VSTM2L: variants seen among roughly 807,000 people sequenced by gnomAD.
VSTM2L encodes the protein V-set and transmembrane domain-containing protein 2-like protein.
VSTM2L carries 9 observed loss-of-function variants against 19.9 expected under a neutral mutation model. The observed-to-expected ratio is 0.45, with a 90% CI of 0.27 to 0.79. The LOEUF (loss-of-function observed/expected upper bound fraction) is 0.79. Among genes scored for constraint, VSTM2L ranks in the 30% least tolerant of loss-of-function variants. The pLI, the probability that VSTM2L is intolerant of heterozygous loss-of-function variation, is 0.15. For synonymous variants in VSTM2L, 127 were observed against 133.8 expected, an observed-to-expected ratio of 0.95 and a Z score of 0.35; for missense variants, 286 against 295.5, an observed-to-expected ratio of 0.97 and a Z score of 0.24.
In VSTM2L at chr20:37,903,233, G is replaced by C; in HGVS notation, c.-118G>C. ...GGCCGGGTCCGGGGACAGCGGGCGA[G>C]GGGCAGCTGCCGGAGCCGGGCAGCC... On this transcript the variant is annotated 5_prime_UTR_variant, in exon 1 of 4. Coordinates refer to ENST00000373461, the MANE Select transcript of VSTM2L (RefSeq NM_080607.3). The C allele has an allele frequency of 8.3e-7, 1 of 1,199,960 alleles. No homozygotes were observed. The highest frequency in any genetic ancestry group is 1.0e-6 in the Non-Finnish European group (1 of 958,120). 74.3% of individuals were successfully genotyped at this position (1,199,960 alleles called of 1,614,324 possible).
At chr20:37,941,708 C>T (rs1485942213) in intron 3 of VSTM2L, among the ~76,000 whole-genome samples, 1 of 152,130 alleles carries the variant, frequency 6.6e-6, no homozygotes, top group Non-Finnish European at 1.5e-5. Context: ...CTGAGGCCCA[C>T]TCACCTGAGC....
chr20:37,909,238 T>C (rs1429500797), intron 1 of VSTM2L, among the ~76,000 whole-genome samples: 1 of 152,174 alleles, frequency 6.6e-6, no homozygotes, highest in African/African-American at 2.4e-5. Flanking sequence ...CTTCCCTCGA[T>C]TTTCGAAAGC....
intron 3 of VSTM2L, among the ~76,000 whole-genome samples, chr20:37,936,318 A>G (rs940840122): frequency 3.9e-5 from 6 of 152,204 alleles, no homozygotes; most frequent in Admixed American, 6.5e-5. Context: ...TGAGCCAGGC[A>G]GGGACCTAGG....
rs564529425 is a variant in VSTM2L, at chr20:37,910,350, C to T, written c.121+6879C>T. 4.6e-5 allele frequency among the ~76,000 whole-genome samples: 7 copies of T among 152,300 alleles called. No homozygotes were observed. The East Asian group carries it at 7.7e-4, about 17-fold the overall frequency. ...ACAGTGTGGACATGACTTGGAGACC[C>T]GGGGGCATCCAACAGGCTGCCCTGT... On this transcript the variant is annotated intron_variant, in intron 1 of 3. Transcript: ENST00000373461.
At chr20:37,908,282 C>T (rs183914443) in intron 1 of VSTM2L, among the ~76,000 whole-genome samples, 27 of 152,298 alleles carry the variant, frequency 1.8e-4, no homozygotes, top group Middle Eastern at 3.4e-3. Context: ...AAGTCGCCTG[C>T]GGCAAACAAG....
chr20:37,903,344 G>A lies in VSTM2L; in HGVS notation c.-7G>A, dbSNP rs2072731951. 2.7e-6 allele frequency: 4 copies of A among 1,456,878 alleles called. No individual in the cohort carries two copies. The highest frequency in any genetic ancestry group is 3.1e-5 in the East Asian group (1 of 32,750). 90.2% of individuals were successfully genotyped at this position (1,456,878 alleles called of 1,614,324 possible). A position where few individuals can be genotyped will look rare whatever the true frequency, so the allele number is the denominator to read the frequency against. ...AGGCGGCGGCGCCCCCGGCCCGAGA[G>A]CGCACGATGGGGGCCCCGCTCGCCG... On this transcript the variant is annotated 5_prime_UTR_variant, in exon 1 of 4. Coordinates refer to ENST00000373461, the MANE Select transcript of VSTM2L (RefSeq NM_080607.3).
intron 1 of VSTM2L, among the ~76,000 whole-genome samples, chr20:37,914,362 T>TTGGG (rs2072800228): frequency 1.1e-3 from 2 of 1,862 alleles, no homozygotes; most frequent in East Asian, 0.02. Context: ...TGTGGGGTGT[T>TTGGG]TATATATGTG....
chr20:37,933,178 A>G (rs2122969396), intron 2 of VSTM2L, among the ~76,000 whole-genome samples: 1 of 143,686 alleles, frequency 7.0e-6, no homozygotes, highest in East Asian at 1.9e-4. Flanking sequence ...ACACACTCTC[A>G]GAGTGACTCA....
chr20:37,935,690 G>A (rs1219165519), intron 3 of VSTM2L, among the ~76,000 whole-genome samples: 2 of 152,068 alleles, frequency 1.3e-5, no homozygotes, highest in Non-Finnish European at 2.9e-5. Flanking sequence ...CCGCTTGTGT[G>A]AGTTTTTGCT....
At position 37,933,951 on chromosome 20, in the gene VSTM2L, G is replaced by A. The variant is rs775265934; in HGVS notation, c.342+362G>A. 4.6e-5 allele frequency among the ~76,000 whole-genome samples: 7 copies of A among 152,322 alleles called. No homozygotes were observed. The South Asian group carries it at 8.3e-4, about 18-fold the overall frequency. ...CCTATCATGACTGACTGAGTGTTAC[G>A]CCATCTCAGGGTCACTTGGTGATCT... On this transcript the variant is annotated intron_variant, in intron 3 of 3. Coordinates refer to ENST00000373461, the MANE Select transcript of VSTM2L (RefSeq NM_080607.3).
intron 1 of VSTM2L, among the ~76,000 whole-genome samples, chr20:37,918,366 A>G (rs1444257106): frequency 6.6e-6 from 1 of 152,198 alleles, no homozygotes; most frequent in Non-Finnish European, 1.5e-5. Context: ...TTAAGAAGAA[A>G]GTCTCTGCTG....
chr20:37,923,958 T>G (rs1217082710), intron 1 of VSTM2L, among the ~76,000 whole-genome samples: 2 of 152,188 alleles, frequency 1.3e-5, no homozygotes, highest in Admixed American at 6.5e-5. Flanking sequence ...AGCTTGCACC[T>G]GGGTGTGGTG....
At chr20:37,912,611 C>A (rs2072786433) in intron 1 of VSTM2L, among the ~76,000 whole-genome samples, 1 of 152,180 alleles carries the variant, frequency 6.6e-6, no homozygotes, top group Admixed American at 6.5e-5. Flanking sequence ...CTGCCCTGTG[C>A]CTGTTTGCCT....
intron 1 of VSTM2L, among the ~76,000 whole-genome samples, chr20:37,925,732 G>A (rs537863391): frequency 2.0e-5 from 3 of 152,332 alleles, no homozygotes; most frequent in African/African-American, 7.2e-5. Flanking sequence ...CAGCTCTGGG[G>A]ATCAGAGAAG....
At chr20:37,943,330 A>G (rs1176145058) in intron 3 of VSTM2L, among the ~76,000 whole-genome samples, 2 of 151,968 alleles carry the variant, frequency 1.3e-5, no homozygotes, top group African/African-American at 4.8e-5. Flanking sequence ...GCTGGAGTGC[A>G]GTGGTGCAAT....
intron 1 of VSTM2L, among the ~76,000 whole-genome samples, chr20:37,909,777 T>C (rs6021807): frequency 0.28 from 42,328 of 152,096 alleles, 8,119 homozygotes; most frequent in African/African-American, 0.55. Context: ...CCTTCTCCCC[T>C]GACCCTGATG....
At chr20:37,930,821 C>G (rs940777468) in intron 1 of VSTM2L, among the ~76,000 whole-genome samples, 1 of 152,170 alleles carries the variant, frequency 6.6e-6, no homozygotes, top group Admixed American at 6.5e-5. Flanking sequence ...GTACCCATTC[C>G]ATCCGCCGAG....
intron 1 of VSTM2L, among the ~76,000 whole-genome samples, chr20:37,911,246 A>G (rs1600560644): frequency 6.7e-6 from 1 of 148,256 alleles, no homozygotes; most frequent in Non-Finnish European, 1.5e-5. Context: ...AAAAAAAAAA[A>G]AAAAAAAAAA....
intron 3 of VSTM2L, among the ~76,000 whole-genome samples, chr20:37,936,636 A>C (rs2072941988): frequency 6.6e-6 from 1 of 152,188 alleles, no homozygotes; most frequent in Non-Finnish European, 1.5e-5. Flanking sequence ...TCAGACTCTA[A>C]GAGTCGGCTG....
Sources: allele counts gnomAD v4.1 joint callset (sites outside exome capture counted in the v4.1 genomes callset), GRCh38; gene constraint gnomAD v4.1.1; transcripts MANE v1.5; gene names NCBI Gene and HGNC (gene_info 2026-07-23, HGNC 2026-07-21).